Variants in PALMD observed in about 807,000 individuals in gnomAD.
PALMD encodes the protein palmdelphin.
PALMD carries 42 observed loss-of-function variants against 56.2 expected under a neutral mutation model. The ratio of observed to expected loss-of-function variants is 0.75; its 90% CI spans 0.58 to 0.97. PALMD has a LOEUF of 0.97. PALMD is among the 50% of genes least tolerant of loss of function. PALMD has a pLI of 0.00. For synonymous variants in PALMD, 242 were observed against 222.9 expected, an observed-to-expected ratio of 1.09 and a Z score of -0.76; for missense variants, 660 against 643.8, an observed-to-expected ratio of 1.03 and a Z score of -0.27.
At chr1:99,667,132 C>T (rs1430314685) in intron 2 of PALMD, among the ~76,000 whole-genome samples, 1 of 152,150 alleles carries the variant, frequency 6.6e-6, no homozygotes, top group Non-Finnish European at 1.5e-5. Flanking sequence ...GTTTTGCCCA[C>T]CATTCCAATT....
chr1:99,678,421 C>G (rs1653263511), intron 3 of PALMD, among the ~76,000 whole-genome samples: 1 of 152,046 alleles, frequency 6.6e-6, no homozygotes, highest in African/African-American at 2.4e-5. Context: ...CTCATCTTTA[C>G]TAAGGAACTC....
At chr1:99,682,053 G>T (rs191061486) in intron 3 of PALMD, among the ~76,000 whole-genome samples, 195 of 152,264 alleles carry the variant, frequency 1.3e-3, no homozygotes, top group African/African-American at 4.2e-3. Flanking sequence ...GGAGCATCCA[G>T]TTCCTTACTC....
intron 6 of PALMD, among the ~76,000 whole-genome samples, chr1:99,687,644 A>G (rs1455394968): frequency 6.6e-6 from 1 of 152,148 alleles, no homozygotes; most frequent in Non-Finnish European, 1.5e-5. Context: ...TTTGCATTAG[A>G]GCAGAGAGGA....
intron 1 of PALMD, among the ~76,000 whole-genome samples, chr1:99,649,135 T>C (rs1652511127): frequency 6.6e-6 from 1 of 152,192 alleles, no homozygotes; most frequent in Admixed American, 6.5e-5. Context: ...ATAGATTCTA[T>C]TTTACACAAT....
At chr1:99,668,027 C>T (rs775979431) in intron 3 of PALMD, 2 of 362,610 alleles carry the variant, frequency 5.5e-6, no homozygotes, top group Non-Finnish European at 5.1e-6. Flanking sequence ...GATGGGCACC[C>T]ACAACCAATG....
intron 1 of PALMD, among the ~76,000 whole-genome samples, chr1:99,661,990 A>G (rs1015219079): frequency 6.6e-6 from 1 of 152,124 alleles, no homozygotes; most frequent in Non-Finnish European, 1.5e-5. Flanking sequence ...CACCTATTTC[A>G]CAACTTGTCT....
At chr1:99,679,791 A>T (rs1378590094) in intron 3 of PALMD, among the ~76,000 whole-genome samples, 2 of 152,132 alleles carry the variant, frequency 1.3e-5, no homozygotes, top group African/African-American at 2.4e-5. Context: ...TAAAGATCTG[A>T]TTTCAAATTC....
At chr1:99,670,420 C>T (rs569171536) in intron 3 of PALMD, among the ~76,000 whole-genome samples, 1 of 152,264 alleles carries the variant, frequency 6.6e-6, no homozygotes, top group East Asian at 1.9e-4. Flanking sequence ...CCAACACCTC[C>T]ATTTCACAGA....
Position 99,686,931 on chromosome 1 carries a change from C to A in PALMD, c.368C>A (p.Ser123Tyr). The change falls in exon 5 of 8, where the codon TCT (serine) becomes TAT (tyrosine). Residue 123 changes from serine (S) to tyrosine (Y), a missense_variant and splice_region_variant. By Grantham distance (144) the Ser-to-Tyr change is moderately radical. Coordinates refer to ENST00000263174, the MANE Select transcript of PALMD (RefSeq NM_017734.5). ...ATGGAGAATTCTTTTTTCTTACAGT[C>A]TGTGAAAGTGGAAAGAGAAGAAAGA... is the stretch of plus-strand genomic sequence containing the variant. ...IERTTEDIIR[S>Y]VKVEREERAE... 2 of 1,570,446 alleles carry A rather than the reference C, an allele frequency of 1.3e-6. No homozygotes were observed. The highest frequency in any genetic ancestry group is 1.1e-5 in the South Asian group (1 of 87,868).
intron 6 of PALMD, 50 bp downstream of exon 6, chr1:99,687,239 C>G: frequency 6.5e-7 from 1 of 1,543,772 alleles, no homozygotes; most frequent in Non-Finnish European, 8.7e-7. Flanking sequence ...TCAGATTTTA[C>G]AGTGTCAAAT....
chr1:99,656,442 A>G (rs546160112), intron 1 of PALMD, among the ~76,000 whole-genome samples: 5 of 152,172 alleles, frequency 3.3e-5, no homozygotes, highest in Non-Finnish European at 7.3e-5. Context: ...TCAAATAAGC[A>G]GTTTCCGCTA....
chr1:99,653,754 C>T lies in PALMD; in HGVS notation c.45+7392C>T, dbSNP rs148374443. Among the ~76,000 whole-genome samples, 76 of 152,246 alleles carry T rather than the reference C, an allele frequency of 5.0e-4. No homozygotes were observed. The East Asian group carries it at 0.013, about 26-fold the overall frequency. On this transcript the variant is annotated intron_variant, in intron 1 of 7. Coordinates refer to ENST00000263174, the MANE Select transcript of PALMD (RefSeq NM_017734.5). ...TCGACACCCCCCAAAAAACCCTTTTCCATTTGAGAACAGCTCTCTGTGTTA... is the reference window on the plus strand; with the variant it reads ...TCGACACCCCCCAAAAAACCCTTTTTCATTTGAGAACAGCTCTCTGTGTTA...
At chr1:99,679,519 A>G (rs1653291681) in intron 3 of PALMD, among the ~76,000 whole-genome samples, 1 of 152,176 alleles carries the variant, frequency 6.6e-6, no homozygotes, top group South Asian at 2.1e-4. Flanking sequence ...GAGCAGAAAA[A>G]TCCCCAGTAC....
intron 1 of PALMD, among the ~76,000 whole-genome samples, chr1:99,660,131 C>G (rs2100857958): frequency 6.6e-6 from 1 of 152,344 alleles, no homozygotes; most frequent in South Asian, 2.1e-4. Flanking sequence ...ATCTAGGGAG[C>G]TAAAAATGTG....
At chr1:99,680,075 A>C (rs146856704) in intron 3 of PALMD, among the ~76,000 whole-genome samples, 1 of 152,302 alleles carries the variant, frequency 6.6e-6, no homozygotes, top group Non-Finnish European at 1.5e-5. Context: ...CCTAATGGCA[A>C]ACTCTATCAG....
In PALMD at chr1:99,693,914, C is replaced by T. The variant is rs371694061; in HGVS notation, c.1613-105C>T. ...TCAATGCTCACACTGTTGGATAAAACCATCTGAGGTATGTTCTAAACTTTC... is the reference window on the plus strand; with the variant it reads ...TCAATGCTCACACTGTTGGATAAAATCATCTGAGGTATGTTCTAAACTTTC... On this transcript the variant is annotated intron_variant, in intron 7 of 7. Coordinates refer to ENST00000263174, the MANE Select transcript of PALMD (RefSeq NM_017734.5). 143 of 728,964 alleles carry T rather than the reference C, an allele frequency of 2.0e-4. No individual in the cohort carries two copies. In the African/African-American group the frequency reaches 2.1e-3, roughly 11 times the overall value. The allele number at this position is 728,964 out of a possible 1,614,324, so 45.2% of individuals were successfully genotyped here. A position where few individuals can be genotyped will look rare whatever the true frequency, so the allele number is the denominator to read the frequency against.
chr1:99,692,545 C>T (rs927320359), intron 7 of PALMD, among the ~76,000 whole-genome samples: 3 of 152,088 alleles, frequency 2.0e-5, no homozygotes, highest in Non-Finnish European at 4.4e-5. Flanking sequence ...TACCTACTTG[C>T]CATAGGCTTG....
chr1:99,666,111 A>T (rs1335537491), intron 2 of PALMD, among the ~76,000 whole-genome samples: 1 of 152,146 alleles, frequency 6.6e-6, no homozygotes, highest in Non-Finnish European at 1.5e-5. Flanking sequence ...TTTTCAAACC[A>T]TGTTCTGTGT....
intron 7 of PALMD, among the ~76,000 whole-genome samples, chr1:99,691,813 T>G (rs1307495576): frequency 6.6e-6 from 1 of 152,206 alleles, no homozygotes; most frequent in East Asian, 1.9e-4. Context: ...TTAATATAAA[T>G]AGCCCTGGTA....
Sources: allele counts gnomAD v4.1 joint callset (sites outside exome capture counted in the v4.1 genomes callset), GRCh38; gene constraint gnomAD v4.1.1; transcripts MANE v1.5; gene names NCBI Gene and HGNC (gene_info 2026-07-23, HGNC 2026-07-21).